Variants in MMS22L observed in about 807,000 individuals in gnomAD.
MMS22L encodes MMS22 like, DNA repair protein, also known as protein MMS22-like.
Under a neutral mutation model 159.1 loss-of-function variants are expected in MMS22L, and 74 were observed. The ratio of observed to expected loss-of-function variants is 0.47; its 90% confidence interval spans 0.39 to 0.56. MMS22L has a LOEUF of 0.56. Among genes scored for constraint, MMS22L ranks in the 20% least tolerant of loss-of-function variants. The pLI is 0.00. For missense variants in MMS22L, 1,351 were observed against 1,422.1 expected (o/e 0.95, Z 0.80); for synonymous variants, 517 against 506.9 (o/e 1.02, Z -0.27).
intron 4 of MMS22L, 159 bp from the exon 5 acceptor site, chr6:97,273,221 G>A (rs192076167): frequency 3.7e-4 from 236 of 631,992 alleles, no homozygotes; most frequent in African/African-American, 3.5e-3. Flanking sequence ...CTCAAAAAAT[G>A]CTCTTATTAA....
intron 8 of MMS22L, chr6:97,266,401 C>T (rs1041494375): frequency 1.3e-5 from 2 of 152,168 alleles, no homozygotes; most frequent in African/African-American, 4.8e-5. Flanking sequence ...AGAGCCAAGA[C>T]ATGGAATCAA....
intron 24 of MMS22L, 65 bp downstream of exon 24, chr6:97,149,788 T>C (rs1801138166): frequency 4.2e-6 from 6 of 1,417,610 alleles, no homozygotes; most frequent in Non-Finnish European, 5.6e-6. Context: ...AAATCATTTC[T>C]ATAAAATGAA....
rs779012814 is a variant in MMS22L at position 97,149,872 on chromosome 6, C to G, written c.3631G>C (p.Gly1211Arg). The G allele has an allele frequency of 1.5e-5, 24 of 1,611,260 alleles. No individual in the cohort carries two copies. The highest frequency in any genetic ancestry group is 2.0e-5 in the Non-Finnish European group (23 of 1,178,632). Residue 1211 changes from glycine (G) to arginine (R), a missense_variant, in exon 24 of 25, where the codon GGC becomes CGC. Physicochemically the swap from Gly to Arg is moderately radical, Grantham distance 125 (BLOSUM62 -2). Transcript: ENST00000683635. ...ACATACCTTTGTGCTATATTCCTGC[C>G]AAGGCCCCATTTCTGCTCTGAATCC... The part of the protein sequence containing the change: ...LKDSEQKWGL[G>R]RNIAQREAYS...
intron 14 of MMS22L, among the ~76,000 whole-genome samples, chr6:97,212,334 G>C (rs568020560): frequency 6.6e-6 from 1 of 152,096 alleles, no homozygotes; most frequent in Non-Finnish European, 1.5e-5. Flanking sequence ...AAAAATAAAA[G>C]GGGACAGAGA....
At chr6:97,238,208 A>C (rs549368330) in intron 11 of MMS22L, among the ~76,000 whole-genome samples, 1 of 152,328 alleles carries the variant, frequency 6.6e-6, no homozygotes, top group African/African-American at 2.4e-5. Context: ...GTATTAAGTG[A>C]AGGTATGTGC....
At chr6:97,153,602 C>T (rs1562391985) in intron 22 of MMS22L, among the ~76,000 whole-genome samples, 1 of 151,966 alleles carries the variant, frequency 6.6e-6, no homozygotes, top group Non-Finnish European at 1.5e-5. Flanking sequence ...AAATCCTGAC[C>T]TCAAGTGATT....
At chr6:97,147,931 T>G (rs1282340511) in intron 24 of MMS22L, among the ~76,000 whole-genome samples, 1 of 152,144 alleles carries the variant, frequency 6.6e-6, no homozygotes, top group South Asian at 2.1e-4. Context: ...TAATAAAAAA[T>G]TTTTGTCTAA....
At chr6:97,271,649 C>A (rs1019266522) in intron 6 of MMS22L, 1 of 152,138 alleles carries the variant, frequency 6.6e-6, no homozygotes, top group African/African-American at 2.4e-5. Flanking sequence ...CTTCATTTCA[C>A]AGAAATATGT....
intron 14 of MMS22L, among the ~76,000 whole-genome samples, chr6:97,193,561 C>A (rs1297330648): frequency 2.0e-5 from 3 of 152,104 alleles, no homozygotes; most frequent in African/African-American, 4.8e-5. Flanking sequence ...GGATCCACTT[C>A]CTTGTTATTA....
intron 4 of MMS22L, among the ~76,000 whole-genome samples, chr6:97,276,010 G>A (rs1816209133): frequency 6.6e-6 from 1 of 152,050 alleles, no homozygotes; most frequent in Non-Finnish European, 1.5e-5. Context: ...TCTTGAGACA[G>A]AGACAAAGAG....
At chr6:97,273,228 T>C in intron 4 of MMS22L, 166 bp from the exon 5 acceptor site, 1 of 612,424 alleles carries the variant, frequency 1.6e-6, no homozygotes, top group Non-Finnish European at 2.8e-6. Context: ...AATGCTCTTA[T>C]TAAAGTCACC....
In MMS22L at chr6:97,173,208, A is replaced by G. The variant is rs1444147389; in HGVS notation, c.2694T>C (p.Thr898=). The stretch of plus-strand genomic sequence containing the variant: ...CAGAAAGTGTCTGGACGTTCCCGTA[A>G]GTTACACCAACAGCCTATAAATAAA... ...LVRFFEAVGV[T]YGNVQTLSDK... The change falls in exon 19 of 25, where the codon ACT becomes ACC. Residue 898 remains threonine, a synonymous_variant. Coordinates refer to ENST00000683635, the MANE Select transcript of MMS22L (RefSeq NM_001350599.2). 3 of 1,613,032 alleles carry G rather than the reference A, an allele frequency of 1.9e-6. No homozygotes were observed. The highest frequency in any genetic ancestry group is 1.3e-5 in the African/African-American group (1 of 74,866).
rs1370304068 is a variant in MMS22L, at chr6:97,144,416, A to ATAAGTG, written c.*2384_*2389dup. ...CAAATACTGTATTTTAGATCCACAT[A>ATAAGTG]TAAGTGGACCTGCACAGTTCAAACT... On this transcript the variant is annotated 3_prime_UTR_variant, in exon 25 of 25. Coordinates refer to ENST00000683635, the MANE Select transcript of MMS22L (RefSeq NM_001350599.2). 1 of 152,214 alleles carries ATAAGTG rather than the reference A, an allele frequency of 6.6e-6. No individual in the cohort carries two copies. The highest frequency in any genetic ancestry group is 1.5e-5 in the Non-Finnish European group (1 of 68,028). 9.4% of individuals were successfully genotyped at this position (152,214 alleles called of 1,614,324 possible). A position where few individuals can be genotyped will look rare whatever the true frequency, so the allele number is the denominator to read the frequency against.
At chr6:97,244,388 TGA>T (rs1363090337) in intron 11 of MMS22L, among the ~76,000 whole-genome samples, 11 of 152,214 alleles carry the variant, frequency 7.2e-5, no homozygotes, top group Admixed American at 7.2e-4. Context: ...TAGTTAATAC[TGA>T]GTGTCAACTT....
chr6:97,267,778 G>A (rs1161405700), intron 8 of MMS22L, 94 bp downstream of exon 8: 1 of 1,120,694 alleles, frequency 8.9e-7, no homozygotes, highest in African/African-American at 1.6e-5. Context: ...AACATATAAA[G>A]CATTTTAGTT....
chr6:97,153,069 T>C (rs1189500520), intron 22 of MMS22L, among the ~76,000 whole-genome samples: 2 of 151,478 alleles, frequency 1.3e-5, no homozygotes, highest in African/African-American at 4.8e-5. Context: ...CTCGAACTCC[T>C]AGTCTCAAGT....
chr6:97,245,771 A>C (rs1048280322), intron 11 of MMS22L, among the ~76,000 whole-genome samples: 3 of 151,962 alleles, frequency 2.0e-5, no homozygotes, highest in Non-Finnish European at 4.4e-5. Flanking sequence ...TGTTTCCTAA[A>C]AAAGTAAGAG....
intron 22 of MMS22L, among the ~76,000 whole-genome samples, chr6:97,156,900 C>T (rs758997733): frequency 6.6e-6 from 1 of 151,830 alleles, no homozygotes; most frequent in African/African-American, 2.4e-5. Flanking sequence ...TGAATCTATA[C>T]TTTGGGGAGT....
At chr6:97,224,140 C>G (rs894967527) in intron 14 of MMS22L, among the ~76,000 whole-genome samples, 9 of 152,132 alleles carry the variant, frequency 5.9e-5, no homozygotes, top group African/African-American at 1.9e-4. Flanking sequence ...TAGCACAACC[C>G]CCTATCACCT....
Sources: gnomAD v4.1 joint callset for allele counts (sites outside exome capture counted in the v4.1 genomes callset) on GRCh38, gnomAD v4.1.1 for gene constraint, MANE v1.5 for transcripts, NCBI Gene and HGNC (gene_info 2026-07-23, HGNC 2026-07-21) for gene names.